PRKCE: variants seen among roughly 807,000 people sequenced by gnomAD.
The protein encoded by PRKCE is protein kinase C epsilon type.
In PRKCE, 16 loss-of-function variants were observed where a neutral mutation model predicts 85.4. The observed-to-expected ratio is 0.19, with a 90% CI of 0.13 to 0.28. PRKCE has a LOEUF of 0.28. Ranked by LOEUF, PRKCE falls within the 10% of genes least tolerant of loss-of-function variation. The pLI, the probability that PRKCE is intolerant of heterozygous loss-of-function variation, is 1.00. For missense variants in PRKCE, 573 were observed against 975.2 expected, an observed-to-expected ratio of 0.59 and a Z score of 5.49; for synonymous variants, 388 against 371.5, an observed-to-expected ratio of 1.04 and a Z score of -0.51.
chr2:45,982,306 C>A (rs1325157433), intron 5 of PRKCE, among the ~76,000 whole-genome samples: 1 of 152,232 alleles, frequency 6.6e-6, no homozygotes, highest in Non-Finnish European at 1.5e-5. Context: ...GATGCCTGTG[C>A]ATACACACAT....
intron 10 of PRKCE, among the ~76,000 whole-genome samples, chr2:46,064,004 G>A (rs942804753): frequency 6.6e-6 from 1 of 152,030 alleles, no homozygotes; most frequent in Non-Finnish European, 1.5e-5. Context: ...TTAACTGGTC[G>A]GGCACAGTGG....
At position 45,979,450 on chromosome 2, in the gene PRKCE, C is replaced by A. The variant is rs370372824; in HGVS notation, c.607+440C>A. Among the ~76,000 whole-genome samples the A allele has an allele frequency of 5.3e-5, 8 of 152,190 alleles. No homozygotes were observed. The South Asian group carries it at 1.7e-3, about 32-fold the overall frequency. The stretch of plus-strand genomic sequence containing the variant: ...TATCACTGAAAGGTCCTTGTCTAAT[C>A]CCTTTTTTTGGTCTTGGCTGTGTGA... On this transcript the variant is annotated intron_variant, in intron 4 of 14. Transcript: ENST00000306156.
intron 1 of PRKCE, among the ~76,000 whole-genome samples, chr2:45,824,533 A>G (rs1369080770): frequency 6.6e-6 from 1 of 152,168 alleles, no homozygotes; most frequent in African/African-American, 2.4e-5. Flanking sequence ...TAGCCTTTGG[A>G]TAACAGTCCG....
chr2:45,942,784 T>C (rs1306555729), intron 2 of PRKCE, among the ~76,000 whole-genome samples: 1 of 152,266 alleles, frequency 6.6e-6, no homozygotes, highest in African/African-American at 2.4e-5. Flanking sequence ...TAATGCATTA[T>C]GTTTATTATA....
intron 14 of PRKCE, among the ~76,000 whole-genome samples, chr2:46,161,083 C>G (rs1039272599): frequency 2.0e-5 from 3 of 152,236 alleles, no homozygotes; most frequent in Admixed American, 6.5e-5. Context: ...CAGCCCATCT[C>G]CACCACAGCT....
At chr2:46,106,520 G>A (rs1476435937) in intron 11 of PRKCE, among the ~76,000 whole-genome samples, 1 of 152,222 alleles carries the variant, frequency 6.6e-6, no homozygotes, top group East Asian at 1.9e-4. Flanking sequence ...TTTTCTCATA[G>A]TTCTGGAGGC....
At chr2:45,977,604 T>G (rs546878907) in intron 3 of PRKCE, among the ~76,000 whole-genome samples, 6 of 149,026 alleles carry the variant, frequency 4.0e-5, no homozygotes, top group African/African-American at 1.5e-4. Flanking sequence ...TATACTATAC[T>G]CCAACCTGGG....
chr2:45,971,573 A>G (rs925098999), intron 2 of PRKCE, among the ~76,000 whole-genome samples: 6 of 152,244 alleles, frequency 3.9e-5, no homozygotes, highest in Non-Finnish European at 8.8e-5. Flanking sequence ...TGAAGACAGT[A>G]GAACACTGAG....
intron 2 of PRKCE, among the ~76,000 whole-genome samples, chr2:45,923,605 G>A (rs1558839363): frequency 6.6e-6 from 1 of 152,212 alleles, no homozygotes; most frequent in African/African-American, 2.4e-5. Context: ...CTTAGGTGCT[G>A]CGGTGGATAT....
chr2:45,836,075 G>A (rs529155271), intron 1 of PRKCE, among the ~76,000 whole-genome samples: 10 of 152,278 alleles, frequency 6.6e-5, no homozygotes, highest in Non-Finnish European at 8.8e-5. Flanking sequence ...ACAACTCAGC[G>A]TACAGATCCA....
At chr2:45,929,123 A>C (rs1698847341) in intron 2 of PRKCE, among the ~76,000 whole-genome samples, 1 of 152,128 alleles carries the variant, frequency 6.6e-6, no homozygotes, top group Non-Finnish European at 1.5e-5. Context: ...CTCCTCTGGC[A>C]GGCTATTTAC....
intron 9 of PRKCE, 62 bp downstream of exon 9, chr2:46,007,723 G>A: frequency 6.6e-7 from 1 of 1,522,196 alleles, no homozygotes; most frequent in Non-Finnish European, 8.9e-7. Flanking sequence ...TGTTTCGTCT[G>A]TTTGATCTAA....
chr2:45,977,162 G>A (rs530174340), intron 3 of PRKCE, among the ~76,000 whole-genome samples: 2 of 152,094 alleles, frequency 1.3e-5, no homozygotes, highest in Non-Finnish European at 2.9e-5. Context: ...CCCCCAAAGT[G>A]CTGGGATTAT....
chr2:45,880,463 C>T lies in PRKCE; in HGVS notation c.412+37400C>T, dbSNP rs910636781. ...ATGGAGGACTCACTTTGAATGTCAC[C>T]TCTTACAAAGAGACTTGGCCGAGCC... On this transcript the variant is annotated intron_variant, in intron 2 of 14. Transcript: ENST00000306156. Among the ~76,000 whole-genome samples the T allele has an allele frequency of 4.6e-5, 7 of 152,174 alleles. No homozygotes were observed. In the East Asian group the frequency reaches 1.3e-3, roughly 29 times the overall value.
At position 45,887,186 on chromosome 2, in the gene PRKCE, A is replaced by ACATGCTTGGTTGCAGAAAGTCAGCTTTG. The variant is rs568338212; in HGVS notation, c.412+44126_412+44153dup. On this transcript the variant is annotated intron_variant, in intron 2 of 14. Coordinates refer to ENST00000306156, the MANE Select transcript of PRKCE (RefSeq NM_005400.3). ...CCTCCCATTGGGCCTGACCCAGGATACATGCTTGGTTGCAGAAAGTCAGCT... is the reference window on the plus strand; with the variant it reads ...CCTCCCATTGGGCCTGACCCAGGATACATGCTTGGTTGCAGAAAGTCAGCTTTGCATGCTTGGTTGCAGAAAGTCAGCT... 1.4e-4 allele frequency among the ~76,000 whole-genome samples: 21 copies of ACATGCTTGGTTGCAGAAAGTCAGCTTTG among 152,292 alleles called. 1 individual carries two copies. In the South Asian group the frequency reaches 4.3e-3, roughly 32 times the overall value.
intron 1 of PRKCE, chr2:45,701,467 C>G (rs1049389465): frequency 6.6e-6 from 1 of 152,184 alleles, no homozygotes; most frequent in Non-Finnish European, 1.5e-5. Flanking sequence ...GCCCTTTCAT[C>G]AGAAGACAGA....
chr2:45,924,863 A>C (rs953150430), intron 2 of PRKCE, among the ~76,000 whole-genome samples: 1 of 152,228 alleles, frequency 6.6e-6, no homozygotes, highest in Non-Finnish European at 1.5e-5. Flanking sequence ...GGCATAGGTC[A>C]GTTACCAAAG....
chr2:46,131,966 A>AATTATT (rs1674505714), intron 11 of PRKCE, among the ~76,000 whole-genome samples: 1 of 152,106 alleles, frequency 6.6e-6, no homozygotes, highest in Non-Finnish European at 1.5e-5. Context: ...AGATACAACC[A>AATTATT]ATTATTATTT....
In PRKCE at chr2:46,057,275, G is replaced by C. The variant is rs944174755; in HGVS notation, c.1438-28933G>C. Among the ~76,000 whole-genome samples, 5 of 152,126 alleles carry C rather than the reference G, an allele frequency of 3.3e-5. 1 individual carries two copies. The highest frequency in any genetic ancestry group is 1.2e-4 in the African/African-American group (5 of 41,402). ...AAAAATAATCCCACCTGGTGTCAAG[G>C]GGCGTGTGGAATGGGAAACATTCCT... On this transcript the variant is annotated intron_variant, in intron 10 of 14. Coordinates refer to ENST00000306156, the MANE Select transcript of PRKCE (RefSeq NM_005400.3).
Sources: allele counts gnomAD v4.1 joint callset (sites outside exome capture counted in the v4.1 genomes callset), GRCh38; gene constraint gnomAD v4.1.1; transcripts MANE v1.5; gene names NCBI Gene and HGNC (gene_info 2026-07-23, HGNC 2026-07-21).